PSMA7: variants seen among roughly 807,000 people sequenced by gnomAD.
PSMA7 encodes proteasome subunit alpha type-7.
A neutral mutation model predicts 31.3 loss-of-function variants in PSMA7; 5 were observed. The observed-to-expected ratio is 0.16, with a 90% CI of 0.08 to 0.34. The LOEUF (loss-of-function observed/expected upper bound fraction) is 0.34, where lower values mean the gene tolerates loss of function less well. Ranked by LOEUF, PSMA7 falls within the 10% of genes least tolerant of loss-of-function variation. The pLI is 1.00. For missense variants in PSMA7, 217 were observed against 327.5 expected, an observed-to-expected ratio of 0.66 and a Z score of 2.60; for synonymous variants, 155 against 121.9, an observed-to-expected ratio of 1.27 and a Z score of -1.79.
chr20:62,142,484 T>C (rs1391638905), intron 1 of PSMA7: 1 of 152,292 alleles, frequency 6.6e-6, no homozygotes, highest in Non-Finnish European at 1.5e-5. Flanking sequence ...CCAATTAAAC[T>C]GACACGTCTT....
At position 62,139,872 on chromosome 20, in the gene PSMA7, C is replaced by A. The variant is rs1458855705; in HGVS notation, c.257G>T (p.Arg86Met). 1.2e-6 allele frequency: 2 copies of A among 1,614,012 alleles called. No homozygotes were observed. Among genetic ancestry groups the A allele is most frequent in the Non-Finnish European group, 1.7e-6 (2 of 1,180,032 alleles). Residue 86 changes from arginine to methionine, a missense_variant, in exon 3 of 7, where the codon AGG (arginine) becomes ATG (methionine). This residue lies in a region of PSMA7 where 53 missense variants were observed against 119.4 expected (regional missense o/e 0.44). Coordinates refer to ENST00000370873, the MANE Select transcript of PSMA7 (RefSeq NM_002792.4). ...GTGGCTCTGGCACTCCACCCGGGCC[C>A]TGTTGATGACTATCCTTGCATCGGC... is the stretch of plus-strand genomic sequence containing the variant. ...LTADARIVIN[R>M]ARVECQSHRL...
chr20:62,139,293 G>A, intron 3 of PSMA7, 96 bp from the exon 4 acceptor site: 1 of 1,441,698 alleles, frequency 6.9e-7, no homozygotes, highest in Admixed American at 2.2e-5. Context: ...TTTAAACCAT[G>A]CCTGAGCCCC....
chr20:62,137,821 T>G (rs2056904315), intron 5 of PSMA7, among the ~76,000 whole-genome samples: 1 of 152,216 alleles, frequency 6.6e-6, no homozygotes. Flanking sequence ...TCTAATCCCC[T>G]GACTTTAGCA....
At chr20:62,141,795 A>G (rs952452540) in intron 1 of PSMA7, among the ~76,000 whole-genome samples, 8 of 152,218 alleles carry the variant, frequency 5.3e-5, no homozygotes, top group African/African-American at 1.9e-4. Flanking sequence ...GTTATCCCAA[A>G]CTGTTTATGG....
intron 5 of PSMA7, 105 bp downstream of exon 5, chr20:62,138,066 T>C: frequency 6.7e-7 from 1 of 1,482,822 alleles, no homozygotes; most frequent in Non-Finnish European, 9.3e-7. Context: ...TCATTAAGCA[T>C]TACTGCTGGA....
At chr20:62,141,525 T>G (rs56907946) in intron 1 of PSMA7, among the ~76,000 whole-genome samples, 1,973 of 152,332 alleles carry the variant, frequency 0.013, 54 homozygotes, top group African/African-American at 0.045. Flanking sequence ...TTTCAAATAC[T>G]GAGATGTAGT....
At chr20:62,142,828 C>A (rs1600971144) in intron 1 of PSMA7, among the ~76,000 whole-genome samples, 2 of 152,028 alleles carry the variant, frequency 1.3e-5, no homozygotes, top group African/African-American at 4.8e-5. Flanking sequence ...ACCCCCCGCG[C>A]TCCGCGGCCC....
chr20:62,138,382 C>T, intron 4 of PSMA7, 92 bp from the exon 5 acceptor site: 2 of 1,476,864 alleles, frequency 1.4e-6, no homozygotes, highest in Non-Finnish European at 1.8e-6. Flanking sequence ...GCCGCCCAGC[C>T]AGTGGCAGTG....
chr20:62,137,273 C>T, intron 6 of PSMA7, 91 bp downstream of exon 6: 1 of 1,280,668 alleles, frequency 7.8e-7, no homozygotes, highest in Non-Finnish European at 1.1e-6. Flanking sequence ...ACAGAATGGC[C>T]CTATGATGTT....
At chr20:62,139,741 C>T in intron 3 of PSMA7, 40 bp downstream of exon 3, 1 of 1,613,746 alleles carries the variant, frequency 6.2e-7, no homozygotes. Flanking sequence ...CGTGACTGCC[C>T]TGCTGCCAGA....
In PSMA7 at chr20:62,137,378, C is replaced by G; in HGVS notation, c.640G>C (p.Asp214His). Residue 214 changes from aspartate to histidine, a missense_variant, in exon 6 of 7, where the codon GAT becomes CAT. Around this residue, in one of 3 missense-constraint regions of PSMA7, gnomAD observed 88 missense variants for 111.6 expected, o/e 0.79. Transcript: ENST00000370873. ...KNIELAVMRR[D>H]QSLKILNPEE... ...TTGGTGATTACCTTGAGGGATTGAT[C>G]TCGCCTCATGACAGCAAGTTCAATG... The G allele has an allele frequency of 6.2e-7, 1 of 1,614,170 alleles. No individual in the cohort carries two copies. Among genetic ancestry groups the G allele is most frequent in the East Asian group, 2.2e-5 (1 of 44,886 alleles).
At chr20:62,138,929 A>T in intron 4 of PSMA7, 146 bp downstream of exon 4, 2 of 1,094,356 alleles carry the variant, frequency 1.8e-6, no homozygotes, top group Non-Finnish European at 2.6e-6. Context: ...AGCAATGTTT[A>T]ATCATTTTCT....
In PSMA7 at chr20:62,139,176, G is replaced by A. The variant is rs766775552; in HGVS notation, c.370C>T (p.Arg124Cys). Residue 124 changes from arginine to cysteine, a missense_variant, in exon 4 of 7, where the codon CGC becomes TGC. By Grantham distance (180) the Arg-to-Cys change is radical. Transcript: ENST00000370873. ...LKQRYTQSNGRRPFGISALIV... is the reference protein window; with the variant it reads ...LKQRYTQSNGCRPFGISALIV... ...AGGGCAGAGATGCCAAACGGCCTGC[G>A]CCCATTGCTCTGCGTATAACGCTAG... The A allele has an allele frequency of 3.1e-6, 5 of 1,614,072 alleles. No homozygotes were observed. The highest frequency in any genetic ancestry group is 1.3e-5 in the African/African-American group (1 of 74,946).
chr20:62,139,260 G>GT, intron 3 of PSMA7, 63 bp from the exon 4 acceptor site: 1 of 1,572,094 alleles, frequency 6.4e-7, no homozygotes, highest in Non-Finnish European at 8.7e-7. Flanking sequence ...GGAAAGAACC[G>GT]TACTTAGTGA....
chr20:62,139,262 A>G, intron 3 of PSMA7, 65 bp from the exon 4 acceptor site: 1 of 1,570,820 alleles, frequency 6.4e-7, no homozygotes, highest in Non-Finnish European at 8.7e-7. Flanking sequence ...AAAGAACCGT[A>G]CTTAGTGAAG....
In PSMA7 at chr20:62,137,334, G is replaced by A. The variant is rs752516227; in HGVS notation, c.654+30C>T. ...CCTGATCATGGGAGAAAACTGACAGGTAAAGAAAGCAGACAAACTTGGTGA... is the reference window on the plus strand; with the variant it reads ...CCTGATCATGGGAGAAAACTGACAGATAAAGAAAGCAGACAAACTTGGTGA... On this transcript the variant is annotated intron_variant, in intron 6 of 6. Transcript: ENST00000370873. 1.2e-5 allele frequency: 19 copies of A among 1,608,696 alleles called. No homozygotes were observed. In the Middle Eastern group the frequency reaches 4.9e-4, roughly 42 times the overall value.
At chr20:62,139,743 G>A (rs2056915843) in intron 3 of PSMA7, 38 bp downstream of exon 3, 4 of 1,613,756 alleles carry the variant, frequency 2.5e-6, no homozygotes, top group Non-Finnish European at 1.7e-6. Context: ...TGACTGCCCT[G>A]CTGCCAGAGG....
rs1568724450 is a variant in PSMA7, at chr20:62,136,794, C to T, written c.*63G>A. 24 of 1,542,408 alleles carry T rather than the reference C, an allele frequency of 1.6e-5. No individual in the cohort carries two copies. In the South Asian group the frequency reaches 1.8e-4, roughly 12 times the overall value. On this transcript the variant is annotated 3_prime_UTR_variant, in exon 7 of 7. Coordinates refer to ENST00000370873, the MANE Select transcript of PSMA7 (RefSeq NM_002792.4). ...TGAATAAATGGAATGGAAAGGCCTA[C>T]ACATCGAGACTCATCCATGATTGAT...
chr20:62,138,428 G>T, intron 4 of PSMA7, 138 bp from the exon 5 acceptor site: 1 of 1,134,842 alleles, frequency 8.8e-7, no homozygotes, highest in Non-Finnish European at 1.2e-6. Context: ...CAGCAGCTGT[G>T]GACACAGGCC....
Sources: gnomAD v4.1 joint callset for allele counts (sites outside exome capture counted in the v4.1 genomes callset) on GRCh38, gnomAD v4.1.1 for gene constraint, gnomAD v4.1.1 regional missense constraint, MANE v1.5 for transcripts, NCBI Gene and HGNC (gene_info 2026-07-23, HGNC 2026-07-21) for gene names.